Variants in MAST4 observed in about 807,000 individuals in gnomAD.
The protein encoded by MAST4 is microtubule associated serine/threonine kinase family member 4, also known as microtubule-associated serine/threonine-protein kinase 4.
A neutral mutation model predicts 162.7 loss-of-function variants in MAST4; 89 were observed. The observed-to-expected ratio is 0.55, with a 90% confidence interval of 0.46 to 0.65. MAST4 has a LOEUF of 0.65. MAST4 is among the 30% of genes least tolerant of loss of function. The pLI is 0.00. For missense variants in MAST4, 3,153 were observed against 3,374.0 expected (o/e 0.93, Z 1.62); for synonymous variants, 1,479 against 1,361.1 (o/e 1.09, Z -1.91).
chr5:67,027,256 A>G (rs1246820656), intron 4 of MAST4, among the ~76,000 whole-genome samples: 1 of 152,190 alleles, frequency 6.6e-6, no homozygotes, highest in African/African-American at 2.4e-5. Context: ...TATAATTATT[A>G]CAAAAAGAAA....
chr5:67,114,430 G>C, intron 12 of MAST4: 1 of 521,358 alleles, frequency 1.9e-6, no homozygotes, highest in Non-Finnish European at 3.3e-6. Flanking sequence ...TCTACCTAGA[G>C]CGTGGGTCAG....
At chr5:66,637,632 G>T (rs1403471551) in intron 1 of MAST4, among the ~76,000 whole-genome samples, 5 of 151,964 alleles carry the variant, frequency 3.3e-5, no homozygotes, top group African/African-American at 1.2e-4. Context: ...TTTTTCTGTA[G>T]CTTGAAAATT....
chr5:66,919,963 TCCTTCCTTCCTTCTTTCTC>T (rs1764415975), intron 4 of MAST4, among the ~76,000 whole-genome samples: 8 of 111,206 alleles, frequency 7.2e-5, no homozygotes, highest in South Asian at 4.0e-4. Flanking sequence ...CTTCCTTCCT[TCCTTCCTTCCTTCTTTCTC>T]TCTCTCTCTC....
chr5:66,951,966 A>G (rs1202669892), intron 4 of MAST4, among the ~76,000 whole-genome samples: 5 of 152,102 alleles, frequency 3.3e-5, no homozygotes, highest in Non-Finnish European at 7.4e-5. Context: ...CCTCACCCTC[A>G]TTAACATGGT....
intron 4 of MAST4, among the ~76,000 whole-genome samples, chr5:67,022,646 TCA>T (rs1202931510): frequency 3.3e-5 from 5 of 152,168 alleles, no homozygotes; most frequent in Admixed American, 6.6e-5. Context: ...CATCAGTATT[TCA>T]AGGAAACAAT....
intron 21 of MAST4, among the ~76,000 whole-genome samples, chr5:67,143,535 A>T (rs908463594): frequency 1.3e-5 from 2 of 152,138 alleles, no homozygotes; most frequent in East Asian, 3.8e-4. Context: ...GTAGCTATAT[A>T]TTTTCTGTTG....
At chr5:66,962,620 A>G (rs1746153416) in intron 4 of MAST4, among the ~76,000 whole-genome samples, 1 of 152,150 alleles carries the variant, frequency 6.6e-6, no homozygotes, top group South Asian at 2.1e-4. Context: ...AGGTGGGAGG[A>G]TCACTTTGAG....
At chr5:66,931,377 T>C (rs1742174037) in intron 4 of MAST4, among the ~76,000 whole-genome samples, 1 of 152,158 alleles carries the variant, frequency 6.6e-6, no homozygotes, top group Admixed American at 6.6e-5. Flanking sequence ...ATTTTTCTTG[T>C]TGCTTATCAG....
chr5:66,756,337 C>T (rs1203776199), intron 1 of MAST4, among the ~76,000 whole-genome samples: 5 of 152,172 alleles, frequency 3.3e-5, no homozygotes, highest in Non-Finnish European at 7.3e-5. Flanking sequence ...ACTTTGTGGC[C>T]AGCAGCATGT....
intron 3 of MAST4, among the ~76,000 whole-genome samples, chr5:66,866,870 C>G (rs1158490595): frequency 6.6e-6 from 1 of 152,238 alleles, no homozygotes. Context: ...CTGCCTCAGC[C>G]TCTCGAGTAG....
intron 1 of MAST4, among the ~76,000 whole-genome samples, chr5:66,690,873 T>G (rs1473660611): frequency 1.3e-5 from 2 of 152,190 alleles, no homozygotes; most frequent in African/African-American, 4.8e-5. Context: ...GTGGCTACTC[T>G]TTCTCCAGAA....
Position 67,166,070 on chromosome 5 carries a change from G to T in MAST4, c.6891G>T (p.Val2297=). Residue 2297 remains valine (V), a synonymous_variant, in exon 29 of 29, where the codon GTG becomes GTT. Transcript: ENST00000403625. ...CCAGTGGTGGGCGGCCCCTGGAGGT[G>T]CTGGAGAAGCCTGTGCATTTGCCAA... ...QPTSGGRPLE[V]LEKPVHLPRP... is the part of the protein sequence containing the mutation. The T allele has an allele frequency of 1.9e-6, 3 of 1,613,616 alleles. No homozygotes were observed. The highest frequency in any genetic ancestry group is 2.5e-6 in the Non-Finnish European group (3 of 1,179,748).
intron 3 of MAST4, among the ~76,000 whole-genome samples, chr5:66,864,032 CCA>C (rs2149846738): frequency 1.3e-5 from 2 of 152,176 alleles, no homozygotes; most frequent in South Asian, 4.2e-4. Flanking sequence ...ACTATGCATC[CCA>C]CACACACATA....
chr5:66,819,131 A>T (rs1428841371), intron 3 of MAST4, among the ~76,000 whole-genome samples: 1 of 152,124 alleles, frequency 6.6e-6, no homozygotes, highest in Non-Finnish European at 1.5e-5. Context: ...TGGCAGCCTC[A>T]TTTCTATTTG....
At chr5:66,760,722 C>T (rs1223641088) in intron 2 of MAST4, among the ~76,000 whole-genome samples, 1 of 152,094 alleles carries the variant, frequency 6.6e-6, no homozygotes, top group African/African-American at 2.4e-5. Context: ...GTGTTAGTAG[C>T]GTATGTTTAA....
At chr5:66,634,450 G>A (rs1189967959) in intron 1 of MAST4, among the ~76,000 whole-genome samples, 2 of 152,134 alleles carry the variant, frequency 1.3e-5, no homozygotes, top group Admixed American at 6.5e-5. Flanking sequence ...ACAAGGCCTC[G>A]CTATAGTGCC....
intron 27 of MAST4, 34 bp from the exon 28 acceptor site, chr5:67,162,573 G>C: frequency 6.2e-7 from 1 of 1,606,920 alleles, no homozygotes; most frequent in Non-Finnish European, 8.5e-7. Context: ...AGTTCTGAAA[G>C]AAGACTGAAC....
chr5:66,703,120 A>G (rs963927573), intron 1 of MAST4, among the ~76,000 whole-genome samples: 1 of 152,082 alleles, frequency 6.6e-6, no homozygotes, highest in African/African-American at 2.4e-5. Flanking sequence ...TGCATTCTCC[A>G]TCCTTCATGA....
At chr5:66,711,133 G>A (rs539305786) in intron 1 of MAST4, among the ~76,000 whole-genome samples, 14 of 152,248 alleles carry the variant, frequency 9.2e-5, no homozygotes, top group African/African-American at 2.9e-4. Context: ...CAAATGCTGC[G>A]TCCATGAGGA....
Sources: allele counts gnomAD v4.1 joint callset (sites outside exome capture counted in the v4.1 genomes callset), GRCh38; gene constraint gnomAD v4.1.1; transcripts MANE v1.5; gene names NCBI Gene and HGNC (gene_info 2026-07-23, HGNC 2026-07-21).